The following MARCHF1 variants were observed in gnomAD, a reference collection of about 807,000 sequenced individuals.
MARCHF1 encodes E3 ubiquitin-protein ligase MARCHF1.
Under a neutral mutation model 54.2 loss-of-function variants are expected in MARCHF1, and 40 were observed. The observed-to-expected ratio is 0.74, with a 90% CI of 0.57 to 0.96. MARCHF1 has a LOEUF of 0.96. MARCHF1 is among the 40% of genes least tolerant of loss of function. The pLI, the probability that MARCHF1 is intolerant of heterozygous loss-of-function variation, is 0.00. For synonymous variants in MARCHF1, 236 were observed against 236.3 expected (o/e 1.00, Z 0.01); for missense variants, 586 against 656.5 (o/e 0.89, Z 1.17).
intron 1 of MARCHF1, among the ~76,000 whole-genome samples, chr4:164,154,982 C>G (rs1353039809): frequency 6.6e-6 from 1 of 152,138 alleles, no homozygotes; most frequent in African/African-American, 2.4e-5. Context: ...GTTTGGCCAT[C>G]CAGCAGCTAA....
intron 1 of MARCHF1, among the ~76,000 whole-genome samples, chr4:164,213,379 G>A (rs1731835977): frequency 6.6e-6 from 1 of 151,718 alleles, no homozygotes; most frequent in Non-Finnish European, 1.5e-5. Context: ...GACTACAGGT[G>A]CCTGCCACCA....
At chr4:164,142,241 G>C (rs58189212) in intron 1 of MARCHF1, among the ~76,000 whole-genome samples, 58,576 of 152,106 alleles carry the variant, frequency 0.39, 12,596 homozygotes, top group Non-Finnish European at 0.49. Context: ...AGCCAGGCTT[G>C]GGGAGGGGCA....
chr4:164,197,288 C>T (rs758712018), intron 1 of MARCHF1: 3 of 1,611,578 alleles, frequency 1.9e-6, no homozygotes, highest in South Asian at 1.1e-5. Context: ...TAACAGCTGT[C>T]GAGATATGTG....
At chr4:164,219,255 G>A (rs760875270) in intron 1 of MARCHF1, among the ~76,000 whole-genome samples, 20 of 151,930 alleles carry the variant, frequency 1.3e-4, no homozygotes, top group Non-Finnish European at 4.4e-5. Context: ...ATTAACTAAC[G>A]AACATGATTT....
intron 7 of MARCHF1, among the ~76,000 whole-genome samples, chr4:163,610,872 G>A (rs1741315851): frequency 1.3e-5 from 2 of 151,896 alleles, no homozygotes; most frequent in South Asian, 2.1e-4. Context: ...CAAGCTTTAC[G>A]TTCCCTGAAT....
chr4:164,355,695 A>G (rs1730503289), intron 1 of MARCHF1, among the ~76,000 whole-genome samples: 2 of 99,908 alleles, frequency 2.0e-5, no homozygotes, highest in African/African-American at 6.6e-5. Flanking sequence ...CATTCAGGAC[A>G]TAGGCATGGG....
intron 4 of MARCHF1, among the ~76,000 whole-genome samples, chr4:163,763,306 T>C (rs976171443): frequency 1.3e-5 from 2 of 152,104 alleles, no homozygotes; most frequent in South Asian, 2.1e-4. Context: ...AGCAGGAACA[T>C]GCTTATTCTC....
intron 3 of MARCHF1, among the ~76,000 whole-genome samples, chr4:163,987,202 A>G (rs928777560): frequency 3.0e-4 from 45 of 152,208 alleles, no homozygotes; most frequent in Non-Finnish European, 1.8e-4. Flanking sequence ...GTGCCTGAGC[A>G]TTCTGGGCTG....
At chr4:164,337,836 A>T (rs1248895120) in intron 1 of MARCHF1, among the ~76,000 whole-genome samples, 1 of 152,232 alleles carries the variant, frequency 6.6e-6, no homozygotes, top group Non-Finnish European at 1.5e-5. Context: ...GGGGGAAAAA[A>T]AAATGAAAGA....
At chr4:164,055,867 G>A (rs937962805) in intron 2 of MARCHF1, among the ~76,000 whole-genome samples, 12 of 152,136 alleles carry the variant, frequency 7.9e-5, no homozygotes, top group Admixed American at 5.2e-4. Flanking sequence ...GATTTTATTA[G>A]ATTATTGCTT....
At chr4:163,586,828 A>T (rs1325757687) in intron 7 of MARCHF1, among the ~76,000 whole-genome samples, 1 of 152,226 alleles carries the variant, frequency 6.6e-6, no homozygotes, top group Admixed American at 6.5e-5. Context: ...CAATGTGGAA[A>T]AATTCTCAAA....
At chr4:164,073,082 T>A (rs1754903859) in intron 2 of MARCHF1, among the ~76,000 whole-genome samples, 1 of 152,162 alleles carries the variant, frequency 6.6e-6, no homozygotes, top group African/African-American at 2.4e-5. Flanking sequence ...GGAAAAATAA[T>A]GTAAACAAAG....
chr4:163,980,648 G>A (rs1480043173), intron 3 of MARCHF1, among the ~76,000 whole-genome samples: 2 of 152,178 alleles, frequency 1.3e-5, no homozygotes, highest in Non-Finnish European at 2.9e-5. Flanking sequence ...AACAGCCACA[G>A]ATGAATCCTT....
At chr4:163,622,089 A>G (rs1741711766) in intron 5 of MARCHF1, among the ~76,000 whole-genome samples, 1 of 152,062 alleles carries the variant, frequency 6.6e-6, no homozygotes, top group African/African-American at 2.4e-5. Context: ...TGGGTTGTGT[A>G]AAAGGCAGCT....
intron 7 of MARCHF1, among the ~76,000 whole-genome samples, chr4:163,588,215 G>A (rs1740474216): frequency 6.6e-6 from 1 of 152,230 alleles, no homozygotes; most frequent in Non-Finnish European, 1.5e-5. Flanking sequence ...GCCACATTGG[G>A]TATAGCACCA....
intron 1 of MARCHF1, among the ~76,000 whole-genome samples, chr4:164,125,033 G>A (rs1197873513): frequency 6.6e-6 from 1 of 151,820 alleles, no homozygotes; most frequent in Non-Finnish European, 1.5e-5. Context: ...TATTACATGT[G>A]CCCCATAAAT....
chr4:164,206,539 C>T (rs1324207994), intron 1 of MARCHF1, among the ~76,000 whole-genome samples: 1 of 152,016 alleles, frequency 6.6e-6, no homozygotes, highest in Non-Finnish European at 1.5e-5. Flanking sequence ...TTCCAAAAAA[C>T]TTGTTCATTA....
chr4:163,953,022 G>A (rs922621407), intron 3 of MARCHF1, among the ~76,000 whole-genome samples: 1 of 152,120 alleles, frequency 6.6e-6, no homozygotes, highest in Non-Finnish European at 1.5e-5. Context: ...ACAATGTCAT[G>A]TCCATTGGAA....
At chr4:164,342,873 T>A (rs1026921189) in intron 1 of MARCHF1, among the ~76,000 whole-genome samples, 2 of 152,032 alleles carry the variant, frequency 1.3e-5, no homozygotes, top group African/African-American at 2.4e-5. Flanking sequence ...TTATGCTAAG[T>A]GAAATAAGCC....
Sources: gnomAD v4.1 joint callset for allele counts (sites outside exome capture counted in the v4.1 genomes callset) on GRCh38, gnomAD v4.1.1 for gene constraint, MANE v1.5 for transcripts, NCBI Gene and HGNC (gene_info 2026-07-23, HGNC 2026-07-21) for gene names.